The following MS4A6E variants were observed in gnomAD, a reference collection of about 807,000 sequenced individuals.
MS4A6E encodes membrane spanning 4-domains A6E, also known as membrane-spanning 4-domains subfamily A member 6E.
In MS4A6E, 8 loss-of-function variants were observed where a neutral mutation model predicts 13.2. The ratio of observed to expected loss-of-function variants is 0.60; its 90% CI spans 0.35 to 1.09. The LOEUF (loss-of-function observed/expected upper bound fraction) is 1.09. Among genes scored for constraint, MS4A6E ranks in the 50% least tolerant of loss-of-function variants. The pLI, the probability that MS4A6E is intolerant of heterozygous loss-of-function variation, is 0.02. For synonymous variants in MS4A6E, 72 were observed against 67.6 expected (o/e 1.06, Z -0.32); for missense variants, 177 against 171.1 (o/e 1.03, Z -0.19).
downstream of MS4A6E, among the ~76,000 whole-genome samples, chr11:60,345,035 C>T (rs774749910): frequency 3.3e-5 from 5 of 151,912 alleles, no homozygotes; most frequent in African/African-American, 1.2e-4. Context: ...CCTGGGTTCA[C>T]GCCATTCTCC....
chr11:60,329,831 T>C (rs1414636074), intron 1 of MS4A6E, among the ~76,000 whole-genome samples: 1 of 151,018 alleles, frequency 6.6e-6, no homozygotes. Flanking sequence ...CCACTTTTTT[T>C]TTTTTTTTTT....
intron 1 of MS4A6E, among the ~76,000 whole-genome samples, chr11:60,331,582 A>G (rs2135055435): frequency 6.6e-6 from 1 of 152,326 alleles, no homozygotes; most frequent in African/African-American, 2.4e-5. Flanking sequence ...AATAATTTTA[A>G]TAAAAACACA....
chr11:60,327,516 G>GT (rs1446777365), intron 1 of MS4A6E, among the ~76,000 whole-genome samples, 108 bp downstream of exon 1: 2 of 152,182 alleles, frequency 1.3e-5, no homozygotes, highest in Non-Finnish European at 2.9e-5. Flanking sequence ...GAGTACTGCT[G>GT]TATCGAACAC....
chr11:60,338,663 T>G (rs1471863621), intron 3 of MS4A6E: 1 of 152,002 alleles, frequency 6.6e-6, no homozygotes, highest in Non-Finnish European at 1.5e-5. Context: ...GTTGAAAAAT[T>G]AAGGGGTATG....
At chr11:60,346,948 A>G (rs1195826188) in intron 4 of MS4A6E, among the ~76,000 whole-genome samples, 1 of 152,230 alleles carries the variant, frequency 6.6e-6, no homozygotes, top group Non-Finnish European at 1.5e-5. Context: ...GAAAGCTTCT[A>G]TATACCTATT....
In MS4A6E at chr11:60,332,032, T is replaced by G. The variant is rs182566259; in HGVS notation, c.-14-2850T>G. ...TTTGTTTTTTCAGCCACCTAGATTA[T>G]GGTATTTTTGTTATAACAGTCTGAA... On this transcript the variant is annotated intron_variant, in intron 1 of 4. Coordinates refer to ENST00000684409, the MANE Select transcript of MS4A6E (RefSeq NM_139249.4). 2.6e-3 allele frequency among the ~76,000 whole-genome samples: 398 copies of G among 152,350 alleles called. 1 individual carries two copies. Among genetic ancestry groups the G allele is most frequent in the South Asian group, 8.5e-3 (41 of 4,828 alleles).
chr11:60,347,564 T>C (rs1237407285), intron 4 of MS4A6E, among the ~76,000 whole-genome samples: 1 of 147,752 alleles, frequency 6.8e-6, no homozygotes, highest in African/African-American at 2.5e-5. Flanking sequence ...CTGTTATGCA[T>C]CTAGAAAGAG....
intron 1 of MS4A6E, among the ~76,000 whole-genome samples, chr11:60,333,486 G>A (rs757143890): frequency 2.0e-5 from 3 of 152,124 alleles, no homozygotes; most frequent in Non-Finnish European, 2.9e-5. Context: ...AGAGTACAGG[G>A]TATGAGAGGT....
chr11:60,330,594 C>T lies in MS4A6E; in HGVS notation c.-15+3186C>T, dbSNP rs577631463. Among the ~76,000 whole-genome samples the T allele has an allele frequency of 5.9e-5, 9 of 152,142 alleles. No individual in the cohort carries two copies. The South Asian group carries it at 1.9e-3, about 32-fold the overall frequency. ...GACCTCGTGATCCGCCCACCTCGGCCTCCCAAAGTGCTGGGATTACAGGCA... is the reference window on the plus strand; with the variant it reads ...GACCTCGTGATCCGCCCACCTCGGCTTCCCAAAGTGCTGGGATTACAGGCA... On this transcript the variant is annotated intron_variant, in intron 1 of 4. Transcript: ENST00000684409.
chr11:60,339,739 C>T, intron 3 of MS4A6E, 127 bp from the exon 4 acceptor site: 1 of 787,354 alleles, frequency 1.3e-6, no homozygotes, highest in Non-Finnish European at 2.2e-6. Context: ...GTTTTGTTTT[C>T]CTGATTGTTT....
At chr11:60,340,095 A>G (rs766952440) in intron 4 of MS4A6E, 131 bp downstream of exon 4, 69 of 1,356,182 alleles carry the variant, frequency 5.1e-5, no homozygotes, top group Admixed American at 8.2e-5. Flanking sequence ...GGTCATTTAA[A>G]TGGTGATGGA....
chr11:60,339,552 C>T (rs993448154), intron 3 of MS4A6E, among the ~76,000 whole-genome samples: 2 of 152,172 alleles, frequency 1.3e-5, no homozygotes, highest in African/African-American at 2.4e-5. Context: ...GGAGCTATTA[C>T]GCCACTCTGC....
At chr11:60,340,223 G>A (rs1299540433) in intron 4 of MS4A6E, among the ~76,000 whole-genome samples, 1 of 152,158 alleles carries the variant, frequency 6.6e-6, no homozygotes, top group African/African-American at 2.4e-5. Context: ...GTCATTGAAG[G>A]GAATGAGACT....
intron 1 of MS4A6E, among the ~76,000 whole-genome samples, chr11:60,330,312 G>A (rs1281132864): frequency 8.0e-6 from 1 of 124,432 alleles, no homozygotes; most frequent in Admixed American, 8.2e-5. Flanking sequence ...TGTTTAATTA[G>A]ATCCCATTTG....
intron 1 of MS4A6E, among the ~76,000 whole-genome samples, chr11:60,329,238 G>T (rs2085139066): frequency 6.6e-6 from 1 of 150,982 alleles, no homozygotes; most frequent in African/African-American, 2.4e-5. Context: ...GTGAGAATAT[G>T]CAGTGTTTGG....
At chr11:60,333,725 G>A (rs997570236) in intron 1 of MS4A6E, among the ~76,000 whole-genome samples, 7 of 152,182 alleles carry the variant, frequency 4.6e-5, no homozygotes, top group Non-Finnish European at 1.0e-4. Context: ...CCTAGAACTA[G>A]AAATGCCAGG....
At chr11:60,343,714 CTGAG>C (rs765284549), downstream of MS4A6E, among the ~76,000 whole-genome samples, 26 of 152,178 alleles carry the variant, frequency 1.7e-4, no homozygotes, top group Non-Finnish European at 3.1e-4. Context: ...AAAGGTGGGA[CTGAG>C]TAAGATGGGT....
chr11:60,330,495 C>T (rs2085148242), intron 1 of MS4A6E, among the ~76,000 whole-genome samples: 1 of 151,622 alleles, frequency 6.6e-6, no homozygotes, highest in Non-Finnish European at 1.5e-5. Flanking sequence ...CACCCACCAC[C>T]ACGCCCAGCT....
chr11:60,338,274 A>G (rs980154306), intron 3 of MS4A6E, among the ~76,000 whole-genome samples: 1 of 152,236 alleles, frequency 6.6e-6, no homozygotes, highest in African/African-American at 2.4e-5. Context: ...TAGAGTGGTG[A>G]ATTCAGATTG....
Sources: allele counts gnomAD v4.1 joint callset (sites outside exome capture counted in the v4.1 genomes callset), GRCh38; gene constraint gnomAD v4.1.1; transcripts MANE v1.5; gene names NCBI Gene and HGNC (gene_info 2026-07-23, HGNC 2026-07-21).